The following HACL1 variants were observed in gnomAD, a reference collection of about 807,000 sequenced individuals.
The protein encoded by HACL1 is 1600020H07Rik.
In HACL1, 64 loss-of-function variants were observed where a neutral mutation model predicts 74.2. That is an observed-to-expected ratio of 0.86 (90% CI 0.70 to 1.06). The LOEUF (loss-of-function observed/expected upper bound fraction) is 1.06, where lower values mean the gene tolerates loss of function less well. Among genes scored for constraint, HACL1 ranks in the 50% least tolerant of loss-of-function variants. HACL1 has a pLI of 0.00. For missense variants in HACL1, 728 were observed against 719.7 expected, an observed-to-expected ratio of 1.01 and a Z score of -0.13; for synonymous variants, 230 against 238.8, an observed-to-expected ratio of 0.96 and a Z score of 0.34.
At chr3:15,586,757 T>G (rs1296003570) in intron 5 of HACL1, among the ~76,000 whole-genome samples, 155 bp from the exon 6 acceptor site, 2 of 152,140 alleles carry the variant, frequency 1.3e-5, no homozygotes, top group Non-Finnish European at 2.9e-5. Context: ...CTATTCAAAG[T>G]ACAAAGTTTT....
intron 9 of HACL1, among the ~76,000 whole-genome samples, 178 bp downstream of exon 9, chr3:15,579,732 T>A (rs528929162): frequency 6.6e-6 from 1 of 152,294 alleles, no homozygotes; most frequent in African/African-American, 2.4e-5. Flanking sequence ...AACAATAATT[T>A]GAATGACTGC....
intron 2 of HACL1, among the ~76,000 whole-genome samples, chr3:15,599,418 A>G (rs2064134920): frequency 6.6e-6 from 1 of 152,170 alleles, no homozygotes; most frequent in Non-Finnish European, 1.5e-5. Flanking sequence ...TGGCATGTAC[A>G]ACCATGCCTC....
chr3:15,583,047 A>G, intron 7 of HACL1, 58 bp from the exon 8 acceptor site: 1 of 785,876 alleles, frequency 1.3e-6, no homozygotes, highest in Non-Finnish European at 2.1e-6. Context: ...TTTATTGTGA[A>G]AATTTCAAAT....
At chr3:15,562,765 T>G (rs1283236032) in intron 16 of HACL1, among the ~76,000 whole-genome samples, 1 of 152,228 alleles carries the variant, frequency 6.6e-6, no homozygotes, top group Non-Finnish European at 1.5e-5. Context: ...TAATCAACAC[T>G]GCAGTTTCAC....
intron 3 of HACL1, 53 bp from the exon 4 acceptor site, chr3:15,591,733 A>G: frequency 1.7e-6 from 2 of 1,159,660 alleles, no homozygotes; most frequent in Non-Finnish European, 2.6e-6. Flanking sequence ...CAACTGATTC[A>G]TAACACTTTA....
At chr3:15,601,056 A>C (rs2064215127) in intron 2 of HACL1, 34 bp downstream of exon 2, 3 of 1,279,392 alleles carry the variant, frequency 2.3e-6, no homozygotes, top group African/African-American at 1.5e-5. Flanking sequence ...GATCATTCCC[A>C]GTAACGCATT....
intron 4 of HACL1, 142 bp downstream of exon 4, chr3:15,591,458 C>G (rs2063891402): frequency 3.8e-6 from 2 of 523,604 alleles, no homozygotes; most frequent in Non-Finnish European, 7.0e-6. Context: ...TCCCCGGTAA[C>G]TAACTCTACT....
chr3:15,591,879 CATATACGTATATAGTGTATACACT>C (rs955908465), intron 3 of HACL1, among the ~76,000 whole-genome samples, 199 bp from the exon 4 acceptor site: 4 of 150,134 alleles, frequency 2.7e-5, no homozygotes, highest in Non-Finnish European at 4.4e-5. Flanking sequence ...TACATACACA[CATATACGTATATAGTGTATACACT>C]ATATATGTAT....
chr3:15,593,144 TAC>T (rs1167849009), intron 3 of HACL1, among the ~76,000 whole-genome samples: 5 of 148,350 alleles, frequency 3.4e-5, no homozygotes, highest in Non-Finnish European at 4.5e-5. Flanking sequence ...TATGTATATA[TAC>T]ACACATACAC....
chr3:15,569,441 T>G (rs2063486243), intron 12 of HACL1, among the ~76,000 whole-genome samples: 1 of 151,904 alleles, frequency 6.6e-6, no homozygotes, highest in Non-Finnish European at 1.5e-5. Flanking sequence ...ATCCCAGCAC[T>G]TTGGGAGGCC....
intron 3 of HACL1, among the ~76,000 whole-genome samples, chr3:15,593,876 C>A (rs1156356076): frequency 6.7e-6 from 1 of 149,260 alleles, no homozygotes; most frequent in South Asian, 2.1e-4. Context: ...CGGCTCACTG[C>A]AACCTCCGCC....
intron 3 of HACL1, among the ~76,000 whole-genome samples, chr3:15,592,073 C>CATAT (rs1559560721): frequency 1.4e-4 from 2 of 14,176 alleles, no homozygotes; most frequent in African/African-American, 3.7e-4. Context: ...TACGTATATA[C>CATAT]GTATACGTAT....
intron 2 of HACL1, among the ~76,000 whole-genome samples, chr3:15,597,112 C>T (rs1007638946): frequency 1.3e-5 from 2 of 152,108 alleles, no homozygotes; most frequent in African/African-American, 4.8e-5. Context: ...GTAGTGATAC[C>T]TCCTTTTTCA....
intron 7 of HACL1, among the ~76,000 whole-genome samples, chr3:15,583,440 C>T (rs527660441): frequency 1.8e-4 from 28 of 152,176 alleles, no homozygotes; most frequent in African/African-American, 6.5e-4. Flanking sequence ...CTAATATTTG[C>T]TATGTGCCAT....
At chr3:15,579,211 C>T (rs1328625685) in intron 9 of HACL1, among the ~76,000 whole-genome samples, 1 of 152,060 alleles carries the variant, frequency 6.6e-6, no homozygotes, top group Non-Finnish European at 1.5e-5. Context: ...AGGATACAAT[C>T]CAAAATTACT....
intron 3 of HACL1, among the ~76,000 whole-genome samples, chr3:15,595,066 C>G (rs570169551): frequency 1.3e-4 from 20 of 152,160 alleles, no homozygotes; most frequent in Admixed American, 3.3e-4. Flanking sequence ...GGCAGAGGTT[C>G]CACTGAGCCG....
chr3:15,576,840 A>T (rs1165138612), intron 9 of HACL1, among the ~76,000 whole-genome samples: 3 of 152,302 alleles, frequency 2.0e-5, no homozygotes, highest in East Asian at 1.9e-4. Context: ...TCATAAATTG[A>T]GTACATACTC....
intron 5 of HACL1, among the ~76,000 whole-genome samples, chr3:15,589,209 G>A (rs1412286452): frequency 6.6e-6 from 1 of 152,132 alleles, no homozygotes; most frequent in African/African-American, 2.4e-5. Context: ...AATCTTAAGA[G>A]TTGCAGGCCA....
chr3:15,582,097 C>G (rs1373623391), intron 8 of HACL1, among the ~76,000 whole-genome samples: 1 of 152,144 alleles, frequency 6.6e-6, no homozygotes, highest in Admixed American at 6.5e-5. Context: ...TTAGTTTCTA[C>G]AGATTTAGTT....
Sources: gnomAD v4.1 joint callset for allele counts (sites outside exome capture counted in the v4.1 genomes callset) on GRCh38, gnomAD v4.1.1 for gene constraint, MANE v1.5 for transcripts, NCBI Gene and HGNC (gene_info 2026-07-23, HGNC 2026-07-21) for gene names.